TRIOBP: variants seen among roughly 807,000 people sequenced by gnomAD.
TRIOBP encodes the protein TRIO and F-actin binding protein.
In TRIOBP, 169 loss-of-function variants were observed where a neutral mutation model predicts 238.8. The ratio of observed to expected loss-of-function variants is 0.71; its 90% CI spans 0.62 to 0.80. TRIOBP has a LOEUF of 0.80. Among genes scored for constraint, TRIOBP ranks in the 30% least tolerant of loss-of-function variants. The pLI is 0.00. For missense variants in TRIOBP, 2,838 were observed against 3,122.6 expected (o/e 0.91, Z 2.17); for synonymous variants, 1,150 against 1,274.4 (o/e 0.90, Z 2.08).
rs1339326829 is a variant in TRIOBP, at chr22:37,725,498, A to G, written c.2942A>G (p.His981Arg). 2.5e-6 allele frequency: 4 copies of G among 1,613,080 alleles called. No homozygotes were observed. Among genetic ancestry groups the G allele is most frequent in the Admixed American group, 1.7e-5 (1 of 59,944 alleles). ...CCATCCCGGGCCACCTCTTCCTCCC[A>G]TAACCCAGGCCACCAGAGCACCTCC... ...NLPSRATSSSHNPGHQSTSRT... is the reference protein window; with the variant it reads ...NLPSRATSSSRNPGHQSTSRT... Residue 981 changes from histidine (H) to arginine (R), a missense_variant, in exon 7 of 24, where the codon CAT (histidine) becomes CGT (arginine). Coordinates refer to ENST00000644935, the MANE Select transcript of TRIOBP (RefSeq NM_001039141.3).
chr22:37,715,803 G>A lies in TRIOBP; in HGVS notation c.497G>A (p.Ser166Asn). 1 of 1,614,110 alleles carries A rather than the reference G, an allele frequency of 6.2e-7. No individual in the cohort carries two copies. Among genetic ancestry groups the A allele is most frequent in the Non-Finnish European group, 8.5e-7 (1 of 1,180,008 alleles). ...GAGAGGCAGGAGGAGGAGGCCCCCAGCTGGGACGAGCTCGCAGTGATGATC... is the reference window on the plus strand; with the variant it reads ...GAGAGGCAGGAGGAGGAGGCCCCCAACTGGGACGAGCTCGCAGTGATGATC... ...TVERQEEEAP[S>N]WDELAVMIPR... The change falls in exon 6 of 24, where the codon AGC (serine) becomes AAC (asparagine). Residue 166 changes from serine (S) to asparagine (N), a missense_variant. Physicochemically the swap from Ser to Asn is conservative, Grantham distance 46. This residue lies in a region of TRIOBP where 535 missense variants were observed against 537.3 expected (regional missense o/e 1.00). Coordinates refer to ENST00000644935, the MANE Select transcript of TRIOBP (RefSeq NM_001039141.3).
chr22:37,758,228 C>G, intron 16 of TRIOBP, 90 bp downstream of exon 16: 1 of 1,517,470 alleles, frequency 6.6e-7, no homozygotes, highest in East Asian at 2.4e-5. Flanking sequence ...TCTTGCACTC[C>G]TACAGTGATG....
intron 11 of TRIOBP, chr22:37,750,796 A>C (rs1027979397): frequency 4.3e-6 from 2 of 462,990 alleles, no homozygotes; most frequent in African/African-American, 2.0e-5. Flanking sequence ...AGAGGTGGCC[A>C]GGCAGGGTGG....
rs550274094 is a variant in TRIOBP at position 37,726,466 on chromosome 22, C to G, written c.3910C>G (p.Arg1304Gly). The G allele has an allele frequency of 1.9e-6, 3 of 1,552,270 alleles. No individual in the cohort carries two copies. Among genetic ancestry groups the G allele is most frequent in the Admixed American group, 1.9e-5 (1 of 51,328 alleles). ...CGGGGGCCGCACCCACAGCCCTGGC[C>G]GTGCAGAGGTGGAGCGCCTCTTCGG... ...SSGGRTHSPG[R>G]AEVERLFGQE... The change falls in exon 7 of 24, where the codon CGT becomes GGT. Residue 1304 changes from arginine to glycine, a missense_variant. Physicochemically the swap from Arg to Gly is moderately radical, Grantham distance 125 (BLOSUM62 -2). Coordinates refer to ENST00000644935, the MANE Select transcript of TRIOBP (RefSeq NM_001039141.3).
chr22:37,701,777 C>G (rs541567537), intron 3 of TRIOBP, among the ~76,000 whole-genome samples: 132 of 152,330 alleles, frequency 8.7e-4, no homozygotes, highest in African/African-American at 3.1e-3. Flanking sequence ...CAAAACTTCA[C>G]ATCATCAACA....
chr22:37,755,141 C>T lies in TRIOBP; in HGVS notation c.5528C>T (p.Thr1843Met), dbSNP rs528806680. The T allele has an allele frequency of 1.1e-5, 17 of 1,613,666 alleles. No individual in the cohort carries two copies. Among genetic ancestry groups the T allele is most frequent in the African/African-American group, 1.3e-5 (1 of 74,896 alleles). Residue 1843 changes from threonine to methionine, a missense_variant, in exon 14 of 24, where the codon ACG becomes ATG. By Grantham distance (81) the Thr-to-Met change is moderately conservative. This residue lies in a region of TRIOBP where 2,096 missense variants were observed against 2,137.4 expected (regional missense o/e 0.98). Transcript: ENST00000644935. ...GGTGAGATCGACCTGCGTTCCTGCA[C>T]GGATGTCACTGAGTACGCGGTGCAG... is the stretch of plus-strand genomic sequence containing the variant. ...LDGEIDLRSC[T>M]DVTEYAVQRN...
At chr22:37,751,557 G>T in intron 11 of TRIOBP, 1 of 598,446 alleles carries the variant, frequency 1.7e-6, no homozygotes, top group Non-Finnish European at 3.0e-6. Context: ...TTGGCTCTCT[G>T]AGTGCCACTA....
chr22:37,725,696 C>G lies in TRIOBP; in HGVS notation c.3140C>G (p.Pro1047Arg), dbSNP rs1164862376. Reference sequence around the variant, plus strand: ...CCCTTCTTCCCAGAGCCCCGCGCCCCTGAGAGTGAACCGCCCCACCACGAG... The same window carrying G: ...CCCTTCTTCCCAGAGCCCCGCGCCCGTGAGAGTGAACCGCCCCACCACGAG... ...PFPFFPEPRA[P>R]ESEPPHHEPP... is the part of the protein sequence containing the mutation. Residue 1047 changes from proline to arginine, a missense_variant, in exon 7 of 24, where the codon CCT becomes CGT. Physicochemically the swap from Pro to Arg is moderately radical, Grantham distance 103 (BLOSUM62 -2). Transcript: ENST00000644935. 1.2e-6 allele frequency: 2 copies of G among 1,613,316 alleles called. No individual in the cohort carries two copies. The highest frequency in any genetic ancestry group is 1.3e-5 in the African/African-American group (1 of 74,690).
chr22:37,753,884 G>T (rs1339669728), intron 12 of TRIOBP, among the ~76,000 whole-genome samples: 2 of 152,148 alleles, frequency 1.3e-5, no homozygotes, highest in African/African-American at 2.4e-5. Context: ...GGCAGTGGGC[G>T]GGCCGCGACT....
rs753587978 is a variant in TRIOBP at position 37,771,710 on chromosome 22, C to T, written c.6910C>T (p.Arg2304Trp). Residue 2304 changes from arginine (R) to tryptophan (W), a missense_variant, in exon 22 of 24, where the codon CGG becomes TGG. By Grantham distance (101) the Arg-to-Trp change is moderately radical (BLOSUM62 -3). Transcript: ENST00000644935. ...QYLKKEVQCL[R>W]DELQMMQKDK... ...CCTAAAGAAGGAGGTGCAGTGCCTCCGGGACGAGCTCCAGATGATGCAGAA... is the reference window on the plus strand; with the variant it reads ...CCTAAAGAAGGAGGTGCAGTGCCTCTGGGACGAGCTCCAGATGATGCAGAA... 1.5e-5 allele frequency: 25 copies of T among 1,614,002 alleles called. No homozygotes were observed. Among genetic ancestry groups the T allele is most frequent in the African/African-American group, 5.3e-5 (4 of 74,902 alleles).
chr22:37,711,545 CT>C (rs1569034636), intron 4 of TRIOBP, among the ~76,000 whole-genome samples: 2 of 144,080 alleles, frequency 1.4e-5, no homozygotes, highest in African/African-American at 5.2e-5. Context: ...TGCCATTACA[CT>C]CCAGCCTGGG....
At position 37,725,024 on chromosome 22, in the gene TRIOBP, TC is replaced by T. The variant is rs1266617320; in HGVS notation, c.2472del (p.Arg825AspfsTer54). ...DNPRTCIQQNIPRSSSTQQDN... is the reference protein window; with the variant it reads ...DNPRTCIQQNXPRSSSTQQDN... ...CCCAGAACTTGTATTCAACAGAACA[TC>T]CCCAGATCATCTTCTACCCAACAAG... On this transcript the variant is annotated frameshift_variant, in exon 7 of 24. Transcript: ENST00000644935. LOFTEE classifies it high-confidence loss of function. 4 of 1,613,744 alleles carry T rather than the reference TC, an allele frequency of 2.5e-6. No individual in the cohort carries two copies. The highest frequency in any genetic ancestry group is 3.4e-6 in the Non-Finnish European group (4 of 1,179,882).
intron 3 of TRIOBP, among the ~76,000 whole-genome samples, chr22:37,702,913 G>A (rs575824648): frequency 4.6e-5 from 7 of 152,224 alleles, no homozygotes; most frequent in African/African-American, 1.7e-4. Flanking sequence ...TAACTGCAGG[G>A]ATTACAGGTG....
chr22:37,723,361 G>T lies in TRIOBP; in HGVS notation c.805G>T (p.Ala269Ser), dbSNP rs767736041. Residue 269 changes from alanine (A) to serine (S), a missense_variant, in exon 7 of 24, where the codon GCT (alanine) becomes TCT (serine). Physicochemically the swap from Ala to Ser is moderately conservative, Grantham distance 99 (BLOSUM62 1). This residue lies in a region of TRIOBP where 535 missense variants were observed against 537.3 expected (regional missense o/e 1.00). Coordinates refer to ENST00000644935, the MANE Select transcript of TRIOBP (RefSeq NM_001039141.3). Reference sequence around the variant, plus strand: ...TCCTGCCCAAAGGGACACTGCTCAGGCTGCCTCTACACGTGAAATCCCCAG... The same window carrying T: ...TCCTGCCCAAAGGGACACTGCTCAGTCTGCCTCTACACGTGAAATCCCCAG... ...ASPAQRDTAQ[A>S]ASTREIPRAS... The T allele has an allele frequency of 2.5e-6, 4 of 1,613,878 alleles. No homozygotes were observed. In the African/African-American group the frequency reaches 5.3e-5, roughly 22 times the overall value.
chr22:37,753,235 T>C (rs1925717081), intron 12 of TRIOBP, among the ~76,000 whole-genome samples: 2 of 151,836 alleles, frequency 1.3e-5, no homozygotes, highest in South Asian at 2.1e-4. Context: ...GCCGCTCGCC[T>C]CACCAGAAGG....
At chr22:37,738,566 GGATGGATGAGGTGGACA>G in intron 9 of TRIOBP, 59 bp from the exon 10 acceptor site, 1 of 1,391,060 alleles carries the variant, frequency 7.2e-7, no homozygotes, top group East Asian at 2.4e-5. Flanking sequence ...ATGATAGAAT[GGATGGATGAGGTGGACA>G]GATGCATGCA....
chr22:37,738,147 T>C (rs1419058198), intron 9 of TRIOBP, among the ~76,000 whole-genome samples: 1 of 152,184 alleles, frequency 6.6e-6, no homozygotes, highest in Non-Finnish European at 1.5e-5. Context: ...GGATCAATGA[T>C]GCATGTTGAA....
intron 3 of TRIOBP, among the ~76,000 whole-genome samples, chr22:37,705,127 C>G (rs1446644345): frequency 6.6e-6 from 1 of 151,774 alleles, no homozygotes; most frequent in Admixed American, 6.6e-5. Flanking sequence ...GTAATCTCAG[C>G]ACTTTACGAG....
At chr22:37,713,475 C>T (rs1173717552) in intron 5 of TRIOBP, 64 bp downstream of exon 5, 3 of 1,565,794 alleles carry the variant, frequency 1.9e-6, no homozygotes, top group African/African-American at 1.3e-5. Flanking sequence ...AGCCCTGGGT[C>T]CCACCTAAAC....
Sources: allele counts gnomAD v4.1 joint callset (sites outside exome capture counted in the v4.1 genomes callset), GRCh38; gene constraint gnomAD v4.1.1; regional missense constraint gnomAD v4.1.1; transcripts MANE v1.5; gene names NCBI Gene and HGNC (gene_info 2026-07-23, HGNC 2026-07-21).